SUGCT: variants seen among roughly 807,000 people sequenced by gnomAD.
The protein encoded by SUGCT is succinyl-CoA:glutarate-CoA transferase.
In SUGCT, 41 loss-of-function variants were observed where a neutral mutation model predicts 55.0. That is an observed-to-expected ratio of 0.74 (90% CI 0.58 to 0.97). SUGCT has a LOEUF of 0.97. Ranked by LOEUF, SUGCT falls within the 50% of genes least tolerant of loss-of-function variation. SUGCT has a pLI of 0.00. For missense variants in SUGCT, 568 were observed against 547.8 expected (o/e 1.04, Z -0.37); for synonymous variants, 187 against 200.4 (o/e 0.93, Z 0.56).
chr7:40,449,030 G>A (rs926818659), intron 9 of SUGCT, among the ~76,000 whole-genome samples: 1 of 151,672 alleles, frequency 6.6e-6, no homozygotes, highest in African/African-American at 2.4e-5. Context: ...GAAATATTCC[G>A]TCTGTGCTGG....
chr7:40,755,179 G>A (rs1788194228), intron 13 of SUGCT, among the ~76,000 whole-genome samples: 1 of 152,086 alleles, frequency 6.6e-6, no homozygotes, highest in Admixed American at 6.6e-5. Flanking sequence ...TCTATGCTGG[G>A]GTCCCTGAGA....
At chr7:40,916,486 AAGG>A in the SUGCT span, among the ~76,000 whole-genome samples, 1 of 152,158 alleles carries the variant, frequency 6.6e-6, no homozygotes, top group Non-Finnish European at 1.5e-5. Flanking sequence ...TGTGAGGATG[AAGG>A]AGGAGTCTTT....
chr7:40,404,129 C>T (rs1428582031), intron 9 of SUGCT, among the ~76,000 whole-genome samples: 3 of 152,186 alleles, frequency 2.0e-5, no homozygotes, highest in Admixed American at 6.5e-5. Flanking sequence ...TGGATGAGCA[C>T]TGCAATGTGC....
rs12670412 is a variant in SUGCT, at chr7:40,467,227, G to A, written c.986+8029G>A. ...AAGAAAAAAAAAAAAAAAAAAAAAA[G>A]CATGAAAACAGCCAGCACAGTTTGA... On this transcript the variant is annotated intron_variant, in intron 11 of 13. Coordinates refer to ENST00000335693, the MANE Select transcript of SUGCT (RefSeq NM_001193313.2). Among the ~76,000 whole-genome samples the A allele has an allele frequency of 8.8e-3, 952 of 108,714 alleles. 33 individuals carry two copies. Among genetic ancestry groups the A allele is most frequent in the Admixed American group, 0.063 (703 of 11,208 alleles). 71.3% of individuals were successfully genotyped at this position (108,714 alleles called of 152,430 possible). A position where few individuals can be genotyped will look rare whatever the true frequency, so the allele number is the denominator to read the frequency against.
chr7:40,450,283 G>GTT (rs941754848), intron 10 of SUGCT, among the ~76,000 whole-genome samples: 2 of 151,484 alleles, frequency 1.3e-5, no homozygotes, highest in African/African-American at 4.9e-5. Context: ...AGACTTTGGT[G>GTT]TTTTGTTTTA....
the SUGCT span, among the ~76,000 whole-genome samples, chr7:40,899,997 G>A: frequency 1.2e-4 from 19 of 152,268 alleles, no homozygotes; most frequent in African/African-American, 2.9e-4. Context: ...GTGGGCCCTG[G>A]CCCTCTCTCT....
At chr7:40,764,350 G>A (rs958661179) in intron 13 of SUGCT, among the ~76,000 whole-genome samples, 2 of 152,072 alleles carry the variant, frequency 1.3e-5, no homozygotes, top group Non-Finnish European at 2.9e-5. Flanking sequence ...GCCCATCAGT[G>A]TTACTGTTAC....
chr7:40,284,079 T>C (rs1793151048), intron 8 of SUGCT, among the ~76,000 whole-genome samples: 1 of 148,528 alleles, frequency 6.7e-6, no homozygotes, highest in Admixed American at 6.9e-5. Flanking sequence ...CGTATATATG[T>C]GGAATCTGAA....
In SUGCT at chr7:40,682,025, C is replaced by G. The variant is rs535556464; in HGVS notation, c.1090-67409C>G. Among the ~76,000 whole-genome samples, 145 of 152,306 alleles carry G rather than the reference C, an allele frequency of 9.5e-4. 1 individual carries two copies. Among genetic ancestry groups the G allele is most frequent in the Middle Eastern group, 3.4e-3 (1 of 294 alleles). On this transcript the variant is annotated intron_variant, in intron 12 of 13. Transcript: ENST00000335693. Reference sequence around the variant, plus strand: ...TATAGAGAACCAAACATTGTTTTGACTAACTTCCTTGGCTGTTGTTTTAGA... The same window carrying G: ...TATAGAGAACCAAACATTGTTTTGAGTAACTTCCTTGGCTGTTGTTTTAGA...
intron 7 of SUGCT, among the ~76,000 whole-genome samples, chr7:40,253,418 CA>C (rs1430356471): frequency 2.0e-5 from 3 of 152,206 alleles, no homozygotes; most frequent in Non-Finnish European, 4.4e-5. Flanking sequence ...AATTATATTT[CA>C]TTCTTATTAG....
chr7:40,910,445 A>G, the SUGCT span, among the ~76,000 whole-genome samples: 61 of 152,276 alleles, frequency 4.0e-4, no homozygotes, highest in Non-Finnish European at 6.8e-4. Flanking sequence ...GCCTGCCTGT[A>G]AAAATATGGA....
At chr7:40,496,764 C>T (rs1792001320) in intron 12 of SUGCT, among the ~76,000 whole-genome samples, 1 of 150,220 alleles carries the variant, frequency 6.7e-6, no homozygotes. Context: ...TATCTTAAAC[C>T]TCTGATCATA....
At chr7:41,036,066 G>T in the SUGCT span, among the ~76,000 whole-genome samples, 1 of 152,186 alleles carries the variant, frequency 6.6e-6, no homozygotes, top group Non-Finnish European at 1.5e-5. Context: ...GATCCTTCAG[G>T]GAGGACTCAG....
intron 13 of SUGCT, among the ~76,000 whole-genome samples, chr7:40,806,753 T>A (rs891612795): frequency 6.6e-6 from 1 of 152,188 alleles, no homozygotes; most frequent in African/African-American, 2.4e-5. Flanking sequence ...TCAATAATAT[T>A]GGTACAAATG....
intron 7 of SUGCT, among the ~76,000 whole-genome samples, chr7:40,273,895 T>C (rs1266822211): frequency 2.0e-5 from 3 of 152,160 alleles, no homozygotes; most frequent in Non-Finnish European, 2.9e-5. Flanking sequence ...CAGTGCTCCA[T>C]GTCCCATAAA....
chr7:40,216,689 T>A (rs1263009893), intron 6 of SUGCT, among the ~76,000 whole-genome samples: 2 of 151,466 alleles, frequency 1.3e-5, no homozygotes, highest in Non-Finnish European at 2.9e-5. Flanking sequence ...CCACCTCTTA[T>A]AAAAATACAA....
chr7:40,840,696 G>T (rs1375991555), intron 13 of SUGCT, among the ~76,000 whole-genome samples: 2 of 137,890 alleles, frequency 1.5e-5, no homozygotes, highest in Admixed American at 7.3e-5. Flanking sequence ...TAAAAGGAAG[G>T]TATTGATAAA....
intron 7 of SUGCT, among the ~76,000 whole-genome samples, chr7:40,253,374 T>C (rs1790572302): frequency 6.6e-6 from 1 of 152,208 alleles, no homozygotes; most frequent in African/African-American, 2.4e-5. Context: ...TATCCTCCTT[T>C]AGTTTTCTTC....
At chr7:40,402,107 A>G (rs759057665) in intron 9 of SUGCT, among the ~76,000 whole-genome samples, 2 of 152,008 alleles carry the variant, frequency 1.3e-5, no homozygotes, top group Non-Finnish European at 2.9e-5. Flanking sequence ...TACCCCTTAT[A>G]TACACTTGGT....
Sources: gnomAD v4.1 joint callset for allele counts (sites outside exome capture counted in the v4.1 genomes callset) on GRCh38, gnomAD v4.1.1 for gene constraint, MANE v1.5 for transcripts, NCBI Gene and HGNC (gene_info 2026-07-23, HGNC 2026-07-21) for gene names.